COL24A1: variants seen among roughly 807,000 people sequenced by gnomAD.
COL24A1 encodes the protein collagen type XXIV alpha 1 chain.
COL24A1 carries 224 observed loss-of-function variants against 253.9 expected under a neutral mutation model. The observed-to-expected ratio is 0.88, with a 90% CI of 0.79 to 0.99. The LOEUF is 0.99. COL24A1 is among the 50% of genes least tolerant of loss of function. The pLI is 0.00. For missense variants in COL24A1, 2,131 were observed against 2,068.5 expected, an observed-to-expected ratio of 1.03 and a Z score of -0.59; for synonymous variants, 685 against 673.7, an observed-to-expected ratio of 1.02 and a Z score of -0.26.
intron 3 of COL24A1, among the ~76,000 whole-genome samples, chr1:86,123,555 A>T (rs996765764): frequency 6.6e-6 from 1 of 151,986 alleles, no homozygotes; most frequent in Admixed American, 6.6e-5. Context: ...ATATCTGCTG[A>T]ATATTACTGC....
chr1:86,003,428 C>G (rs531828882), intron 19 of COL24A1, among the ~76,000 whole-genome samples: 16 of 152,168 alleles, frequency 1.1e-4, no homozygotes, highest in Admixed American at 3.9e-4. Flanking sequence ...GTCACCTTCA[C>G]ACTCACTGCA....
At chr1:85,822,749 G>A (rs575556072) in intron 45 of COL24A1, among the ~76,000 whole-genome samples, 91 of 152,108 alleles carry the variant, frequency 6.0e-4, no homozygotes, top group African/African-American at 2.0e-3. Flanking sequence ...TTTTAGCAAC[G>A]AACCCTGCCA....
Position 86,126,184 on chromosome 1 carries a change from C to T in COL24A1, c.152G>A (p.Gly51Glu). The T allele has an allele frequency of 6.2e-7, 1 of 1,602,336 alleles. No homozygotes were observed. The stretch of plus-strand genomic sequence containing the variant: ...TGATGAGTGTCTTACGTCTTTGCCT[C>T]CAAGGCCTAGTTGATGAAGAATATC... Reference protein sequence around the residue: ...GIDILHQLGLGGKDVRHSSPA... With the variant: ...GIDILHQLGLEGKDVRHSSPA... Residue 51 changes from glycine (G) to glutamate (E), a missense_variant, in exon 3 of 60, where the codon GGA becomes GAA. Gly to Glu is a moderately conservative substitution (Grantham distance 98, BLOSUM62 -2). Coordinates refer to ENST00000370571, the MANE Select transcript of COL24A1 (RefSeq NM_152890.7).
Position 86,125,735 on chromosome 1 carries a change from T to C in COL24A1, c.601A>G (p.Ser201Gly). 1 of 1,611,184 alleles carries C rather than the reference T, an allele frequency of 6.2e-7. No individual in the cohort carries two copies. Among genetic ancestry groups the C allele is most frequent in the South Asian group, 1.1e-5 (1 of 90,660 alleles). The part of the protein sequence containing the change: ...IPEVQTFDSN[S>G]VFTLGSMNNN... ...TTCATACTTCCTAAAGTAAACACAC[T>C]ATTAGAATCAAAGGTCTGAACTTCT... The change falls in exon 3 of 60, where the codon AGT becomes GGT. Residue 201 changes from serine (S) to glycine (G), a missense_variant. Ser to Gly is a moderately conservative substitution (Grantham distance 56). Transcript: ENST00000370571.
At chr1:85,948,529 A>G (rs1251535512) in intron 24 of COL24A1, among the ~76,000 whole-genome samples, 87 of 148,434 alleles carry the variant, frequency 5.9e-4, no homozygotes, top group Middle Eastern at 3.4e-3. Context: ...GTCTCAAAAA[A>G]AAAAAAAAAA....
intron 24 of COL24A1, among the ~76,000 whole-genome samples, chr1:85,948,718 A>G (rs1300005261): frequency 2.0e-5 from 3 of 151,674 alleles, no homozygotes; most frequent in Non-Finnish European, 4.4e-5. Context: ...AACTCATTCT[A>G]TGAGGCCAGT....
At chr1:85,871,821 C>T (rs1680532740) in intron 35 of COL24A1, among the ~76,000 whole-genome samples, 1 of 152,164 alleles carries the variant, frequency 6.6e-6, no homozygotes, top group Non-Finnish European at 1.5e-5. Context: ...CACTCCTGTT[C>T]AACATGGTGT....
At chr1:85,906,993 A>T (rs1359737558) in intron 28 of COL24A1, among the ~76,000 whole-genome samples, 1 of 151,906 alleles carries the variant, frequency 6.6e-6, no homozygotes, top group East Asian at 1.9e-4. Flanking sequence ...AAATGGAAAA[A>T]TGTGATTTTA....
chr1:85,832,989 A>G (rs1273399042), intron 43 of COL24A1, among the ~76,000 whole-genome samples: 1 of 151,844 alleles, frequency 6.6e-6, no homozygotes, highest in Non-Finnish European at 1.5e-5. Flanking sequence ...GAGAGAGGGC[A>G]TCCCTGTCTT....
intron 59 of COL24A1, among the ~76,000 whole-genome samples, chr1:85,731,541 C>T (rs1663469837): frequency 6.6e-6 from 1 of 152,136 alleles, no homozygotes; most frequent in African/African-American, 2.4e-5. Context: ...GTGTGAGGCA[C>T]TGTTAGATTC....
At chr1:85,816,041 A>G (rs577206249) in intron 47 of COL24A1, among the ~76,000 whole-genome samples, 229 of 152,302 alleles carry the variant, frequency 1.5e-3, no homozygotes, top group Non-Finnish European at 2.8e-3. Flanking sequence ...CACTGGCACA[A>G]ATCCAATAAT....
At chr1:85,824,738 G>A (rs1467448307) in intron 43 of COL24A1, among the ~76,000 whole-genome samples, 1 of 152,012 alleles carries the variant, frequency 6.6e-6, no homozygotes, top group Non-Finnish European at 1.5e-5. Context: ...GAGTTATGCA[G>A]GAATAATTCT....
intron 5 of COL24A1, among the ~76,000 whole-genome samples, chr1:86,109,029 C>T (rs1482988187): frequency 6.6e-6 from 1 of 152,100 alleles, no homozygotes; most frequent in Non-Finnish European, 1.5e-5. Context: ...TTCTGTCTCC[C>T]TGGGTCTTGT....
At chr1:85,990,546 C>T (rs781562371) in intron 19 of COL24A1, among the ~76,000 whole-genome samples, 1 of 152,224 alleles carries the variant, frequency 6.6e-6, no homozygotes, top group Non-Finnish European at 1.5e-5. Context: ...CCACTCACTT[C>T]CTGCTGTGCA....
chr1:86,031,537 T>A (rs1286679881), intron 14 of COL24A1, among the ~76,000 whole-genome samples: 5 of 152,128 alleles, frequency 3.3e-5, no homozygotes, highest in Non-Finnish European at 5.9e-5. Context: ...TTGAAAATAA[T>A]TAACAATTTT....
intron 2 of COL24A1, among the ~76,000 whole-genome samples, chr1:86,129,828 T>G (rs1648880229): frequency 6.6e-6 from 1 of 151,904 alleles, no homozygotes; most frequent in African/African-American, 2.4e-5. Flanking sequence ...TAACATTTCA[T>G]AAGCACTCGG....
intron 20 of COL24A1, among the ~76,000 whole-genome samples, chr1:85,974,531 G>A (rs770991440): frequency 2.0e-5 from 3 of 151,998 alleles, no homozygotes; most frequent in Admixed American, 6.6e-5. Context: ...TACAAAACAC[G>A]CAAAGTACCA....
At chr1:86,118,186 T>C (rs10873748) in intron 3 of COL24A1, among the ~76,000 whole-genome samples, 114,915 of 151,444 alleles carry the variant, frequency 0.76, 43,595 homozygotes, top group Middle Eastern at 0.86. Flanking sequence ...CCTCAGCCTC[T>C]CGAGTAGCTG....
intron 37 of COL24A1, among the ~76,000 whole-genome samples, chr1:85,849,681 T>C (rs1255589040): frequency 6.6e-6 from 1 of 152,200 alleles, no homozygotes; most frequent in Non-Finnish European, 1.5e-5. Context: ...TTAGATTCAG[T>C]ATACCCATTT....
Sources: allele counts gnomAD v4.1 joint callset (sites outside exome capture counted in the v4.1 genomes callset), GRCh38; gene constraint gnomAD v4.1.1; transcripts MANE v1.5; gene names NCBI Gene and HGNC (gene_info 2026-07-23, HGNC 2026-07-21).